FAM193A: variants seen among roughly 807,000 people sequenced by gnomAD.
FAM193A encodes family with sequence similarity 193 member A, also known as protein FAM193A.
In FAM193A, 22 loss-of-function variants were observed where a neutral mutation model predicts 126.5. That is an observed-to-expected ratio of 0.17 (90% CI 0.12 to 0.25). FAM193A has a LOEUF of 0.25. FAM193A is among the 10% of genes least tolerant of loss of function. FAM193A has a pLI of 1.00. For missense variants in FAM193A, 1,675 were observed against 1,672.8 expected (o/e 1.00, Z -0.02); for synonymous variants, 761 against 646.8 (o/e 1.18, Z -2.68).
chr4:2,726,748 A>G (rs976974039), intron 20 of FAM193A, among the ~76,000 whole-genome samples: 2 of 142,240 alleles, frequency 1.4e-5, no homozygotes, highest in East Asian at 2.2e-4. Flanking sequence ...CCTGGCCGAC[A>G]TGGTGAAACC....
At position 2,690,718 on chromosome 4, in the gene FAM193A, A is replaced by G; in HGVS notation, c.2551A>G (p.Thr851Ala). The change falls in exon 15 of 21, where the codon ACA (threonine) becomes GCA (alanine). Residue 851 changes from threonine to alanine, a missense_variant. Physicochemically the swap from Thr to Ala is moderately conservative, Grantham distance 58. Transcript: ENST00000637812. ...TGAAGGGAGTGAAATATTAGGGCCA[A>G]CACTCTCAGAAACAAGACCGGAAGC... ...TISGSEILGP[T>A]LSETRPEALP... The G allele has an allele frequency of 6.2e-7, 1 of 1,613,448 alleles. No individual in the cohort carries two copies. Among genetic ancestry groups the G allele is most frequent in the Non-Finnish European group, 8.5e-7 (1 of 1,179,802 alleles).
intron 13 of FAM193A, among the ~76,000 whole-genome samples, chr4:2,678,736 G>GT (rs1714744670): frequency 6.6e-6 from 1 of 152,200 alleles, no homozygotes; most frequent in African/African-American, 2.4e-5. Context: ...ACCATTGTTA[G>GT]TGTATAGACA....
At chr4:2,633,803 G>T (rs1022169134) in intron 5 of FAM193A, among the ~76,000 whole-genome samples, 1 of 152,190 alleles carries the variant, frequency 6.6e-6, no homozygotes, top group African/African-American at 2.4e-5. Context: ...TGAGGCAGGA[G>T]AATTGCTTGA....
chr4:2,671,418 A>G (rs1395329279), intron 12 of FAM193A, among the ~76,000 whole-genome samples: 3 of 152,126 alleles, frequency 2.0e-5, no homozygotes, highest in Non-Finnish European at 2.9e-5. Context: ...TTTTGGTAGC[A>G]GGGTTGGTTT....
intron 1 of FAM193A, among the ~76,000 whole-genome samples, chr4:2,542,101 C>T (rs551124347): frequency 2.6e-5 from 4 of 151,970 alleles, no homozygotes; most frequent in East Asian, 3.9e-4. Context: ...CTGCAACCTC[C>T]GCCTCCTGGG....
At position 2,657,897 on chromosome 4, in the gene FAM193A, G is replaced by T; in HGVS notation, c.1389+17G>T. 1 of 1,544,252 alleles carries T rather than the reference G, an allele frequency of 6.5e-7. No individual in the cohort carries two copies. The highest frequency in any genetic ancestry group is 8.9e-7 in the Non-Finnish European group (1 of 1,123,642). Reference sequence around the variant, plus strand: ...GAAGAACAGGTAAGCTTGTCAATAAGAGAGGCAATTAAAGGAAGTAGAAAT... The same window carrying T: ...GAAGAACAGGTAAGCTTGTCAATAATAGAGGCAATTAAAGGAAGTAGAAAT... On this transcript the variant is annotated intron_variant, in intron 8 of 20. Coordinates refer to ENST00000637812, the MANE Select transcript of FAM193A (RefSeq NM_001366318.2).
chr4:2,721,544 A>G lies in FAM193A; in HGVS notation c.4454+5440A>G, dbSNP rs539709279. On this transcript the variant is annotated intron_variant, in intron 20 of 20. Transcript: ENST00000637812. ...ATTACACAGCAAGCTTTTGACCACTAAACTACAAAGAGGTCTTCAGCCTGA... is the reference window on the plus strand; with the variant it reads ...ATTACACAGCAAGCTTTTGACCACTGAACTACAAAGAGGTCTTCAGCCTGA... 8.5e-5 allele frequency among the ~76,000 whole-genome samples: 13 copies of G among 152,280 alleles called. 1 individual carries two copies. The highest frequency in any genetic ancestry group is 8.5e-4 in the Admixed American group (13 of 15,292).
At chr4:2,616,044 G>A (rs1449388231) in intron 2 of FAM193A, among the ~76,000 whole-genome samples, 2 of 151,970 alleles carry the variant, frequency 1.3e-5, no homozygotes, top group East Asian at 1.9e-4. Flanking sequence ...TGCGCAATCC[G>A]CCCGCCTCAG....
chr4:2,572,745 G>C (rs1489628672), intron 1 of FAM193A, among the ~76,000 whole-genome samples: 1 of 151,848 alleles, frequency 6.6e-6, no homozygotes, highest in Non-Finnish European at 1.5e-5. Context: ...AGTGCAGTTG[G>C]GAACAGTTGA....
At chr4:2,547,588 A>ATGTGTG (rs368862235) in intron 1 of FAM193A, among the ~76,000 whole-genome samples, 2 of 147,188 alleles carry the variant, frequency 1.4e-5, no homozygotes, top group African/African-American at 5.1e-5. Context: ...TGACCTTAGT[A>ATGTGTG]TGTGTGTGTG....
At chr4:2,704,709 G>C (rs111789887) in intron 19 of FAM193A, among the ~76,000 whole-genome samples, 2 of 152,284 alleles carry the variant, frequency 1.3e-5, no homozygotes, top group African/African-American at 4.8e-5. Context: ...TGCTTATAGA[G>C]TAGTTGTCAG....
intron 19 of FAM193A, among the ~76,000 whole-genome samples, chr4:2,708,461 T>A (rs1039647984): frequency 6.6e-5 from 10 of 152,046 alleles, no homozygotes; most frequent in African/African-American, 9.7e-5. Context: ...TTATTTTTTT[T>A]AATTTTTATC....
At chr4:2,669,988 A>G (rs1299493) in intron 12 of FAM193A, among the ~76,000 whole-genome samples, 6,076 of 152,248 alleles carry the variant, frequency 0.04, 410 homozygotes, top group African/African-American at 0.14. Flanking sequence ...CTGTAGACCA[A>G]TGTTTCTCAT....
At chr4:2,706,928 C>G (rs1214680854) in intron 19 of FAM193A, among the ~76,000 whole-genome samples, 1 of 151,840 alleles carries the variant, frequency 6.6e-6, no homozygotes, top group Non-Finnish European at 1.5e-5. Context: ...CGAGATCAGC[C>G]TGGCCAACAT....
chr4:2,617,977 G>A (rs1233492589), intron 2 of FAM193A, among the ~76,000 whole-genome samples: 1 of 152,012 alleles, frequency 6.6e-6, no homozygotes, highest in Non-Finnish European at 1.5e-5. Context: ...ATTTCCTGTA[G>A]GCCAGGGTAG....
At chr4:2,537,798 T>C (rs1190381425) in intron 1 of FAM193A, among the ~76,000 whole-genome samples, 2 of 152,024 alleles carry the variant, frequency 1.3e-5, no homozygotes, top group East Asian at 3.9e-4. Context: ...TGGCCCCTCC[T>C]CCCCCGCTTT....
intron 13 of FAM193A, among the ~76,000 whole-genome samples, chr4:2,687,340 G>A (rs780705735): frequency 2.6e-5 from 4 of 152,102 alleles, no homozygotes; most frequent in Non-Finnish European, 4.4e-5. Context: ...ACTTACTATG[G>A]GCCAGGCAGT....
intron 7 of FAM193A, among the ~76,000 whole-genome samples, chr4:2,656,294 A>T (rs1431949364): frequency 2.0e-5 from 3 of 152,254 alleles, no homozygotes; most frequent in Non-Finnish European, 4.4e-5. Context: ...TCATTTTTAC[A>T]GGGAAGAAGA....
intron 15 of FAM193A, 47 bp downstream of exon 15, chr4:2,691,017 G>A: frequency 6.5e-7 from 1 of 1,545,790 alleles, no homozygotes; most frequent in Non-Finnish European, 8.8e-7. Context: ...AGGAAGGCTG[G>A]GCTTACTGAC....
Sources: gnomAD v4.1 joint callset for allele counts (sites outside exome capture counted in the v4.1 genomes callset) on GRCh38, gnomAD v4.1.1 for gene constraint, MANE v1.5 for transcripts, NCBI Gene and HGNC (gene_info 2026-07-23, HGNC 2026-07-21) for gene names.